Variants in PRDM9 observed in about 807,000 individuals in gnomAD.
PRDM9 encodes PR/SET domain 9.
Under a neutral mutation model 55.6 loss-of-function variants are expected in PRDM9, and 47 were observed. The ratio of observed to expected loss-of-function variants is 0.85; its 90% CI spans 0.67 to 1.08. The LOEUF (loss-of-function observed/expected upper bound fraction) is 1.08. Ranked by LOEUF, PRDM9 falls within the 50% of genes least tolerant of loss-of-function variation. The pLI is 0.00. For synonymous variants in PRDM9, 312 were observed against 375.7 expected (o/e 0.83, Z 1.96); for missense variants, 867 against 1,040.3 (o/e 0.83, Z 2.29).
chr5:23,511,633 A>G (rs955362575), intron 4 of PRDM9, among the ~76,000 whole-genome samples: 1 of 152,184 alleles, frequency 6.6e-6, no homozygotes, highest in Non-Finnish European at 1.5e-5. Context: ...GACATGAGCC[A>G]CCACACCTGG....
chr5:23,516,275 G>T (rs1287617663), intron 4 of PRDM9, among the ~76,000 whole-genome samples: 1 of 152,048 alleles, frequency 6.6e-6, no homozygotes, highest in African/African-American at 2.4e-5. Flanking sequence ...ATGCTATTGT[G>T]GTTGGGATAT....
chr5:23,512,505 A>G (rs1281176224), intron 4 of PRDM9, among the ~76,000 whole-genome samples: 6 of 152,186 alleles, frequency 3.9e-5, no homozygotes, highest in Admixed American at 2.6e-4. Context: ...TTTTCTGCCA[A>G]TGTTTTGACA....
In PRDM9 at chr5:23,509,869, T is replaced by G. The variant is rs770415743; in HGVS notation, c.194-51T>G. The G allele has an allele frequency of 1.9e-6, 3 of 1,599,708 alleles. No individual in the cohort carries two copies. In the South Asian group the frequency reaches 3.3e-5, roughly 18 times the overall value. On this transcript the variant is annotated intron_variant, in intron 3 of 10. Transcript: ENST00000296682. ...TGCTTTCCATTGCCACTGCCCTTTG[T>G]TCCTTCTCCCAGCTCTTCCATTTTA...
chr5:23,525,764 A>T (rs571137849), intron 10 of PRDM9, among the ~76,000 whole-genome samples: 11 of 152,310 alleles, frequency 7.2e-5, no homozygotes, highest in Non-Finnish European at 1.3e-4. Context: ...CTCTTAGGAA[A>T]TCACTAAGGA....
chr5:23,511,780 G>A (rs1381071195), intron 4 of PRDM9, among the ~76,000 whole-genome samples: 1 of 151,930 alleles, frequency 6.6e-6, no homozygotes, highest in Non-Finnish European at 1.5e-5. Flanking sequence ...AAGAAGGAAG[G>A]GCTGGCAGGT....
At chr5:23,510,092 T>C in intron 4 of PRDM9, 65 bp downstream of exon 4, 6 of 1,481,006 alleles carry the variant, frequency 4.1e-6, no homozygotes, top group Non-Finnish European at 5.5e-6. Flanking sequence ...TTTGCTCTTT[T>C]CACCCAGGCT....
At chr5:23,524,933 C>T (rs1739403509) in intron 10 of PRDM9, among the ~76,000 whole-genome samples, 1 of 152,202 alleles carries the variant, frequency 6.6e-6, no homozygotes, top group Admixed American at 6.5e-5. Flanking sequence ...TGAATTCCTA[C>T]TCAGTGCCAG....
intron 4 of PRDM9, among the ~76,000 whole-genome samples, chr5:23,513,868 G>A (rs1739149223): frequency 1.3e-5 from 2 of 151,976 alleles, no homozygotes; most frequent in Non-Finnish European, 2.9e-5. Flanking sequence ...AACAGAACGA[G>A]ACGCCGTGTC....
At position 23,517,934 on chromosome 5, in the gene PRDM9, A is replaced by C; in HGVS notation, c.351+4A>C. ...GGAACAGCGTAAACACCAGAAGGTA[A>C]GTATTTCCCAAATCCTATTGACAAG... On this transcript the variant is annotated splice_donor_region_variant and intron_variant, in intron 5 of 10. Transcript: ENST00000296682. The C allele has an allele frequency of 6.3e-7, 1 of 1,588,008 alleles. No homozygotes were observed.
intron 4 of PRDM9, among the ~76,000 whole-genome samples, chr5:23,512,434 T>C (rs1338043443): frequency 2.6e-5 from 4 of 152,136 alleles, no homozygotes; most frequent in Non-Finnish European, 5.9e-5. Context: ...TCCCCATCTA[T>C]GGATTTTAGA....
chr5:23,522,420 T>C lies in PRDM9; in HGVS notation c.610+15T>C. 1.2e-6 allele frequency: 2 copies of C among 1,606,890 alleles called. No homozygotes were observed. The highest frequency in any genetic ancestry group is 2.2e-5 in the South Asian group (2 of 90,908). Reference sequence around the variant, plus strand: ...TGATTACCTCTGTAAGTGACACTTTTGGCCACTCACACAGCTTGCTGTTAT... The same window carrying C: ...TGATTACCTCTGTAAGTGACACTTTCGGCCACTCACACAGCTTGCTGTTAT... On this transcript the variant is annotated intron_variant, in intron 7 of 10. Transcript: ENST00000296682.
intron 4 of PRDM9, among the ~76,000 whole-genome samples, chr5:23,514,735 G>A (rs1279248843): frequency 6.6e-5 from 10 of 151,996 alleles, no homozygotes; most frequent in East Asian, 5.9e-4. Flanking sequence ...GAGCCACTGC[G>A]CCAGGCCAAA....
chr5:23,526,121 C>A lies in PRDM9; in HGVS notation c.1145-112C>A, dbSNP rs1739423209. 1.1e-5 allele frequency: 14 copies of A among 1,296,470 alleles called. No homozygotes were observed. In the South Asian group the frequency reaches 1.2e-4, roughly 11 times the overall value. The allele number at this position is 1,296,470 out of a possible 1,614,324, so 80.3% of individuals were successfully genotyped here. ...CCATCCAGCACTTGGTGGGAAAGAG[C>A]TTGCATTGTTAACATATGAAGAATG... On this transcript the variant is annotated intron_variant, in intron 10 of 10. Coordinates refer to ENST00000296682, the MANE Select transcript of PRDM9 (RefSeq NM_020227.4).
intron 4 of PRDM9, among the ~76,000 whole-genome samples, chr5:23,512,044 T>C (rs1159661832): frequency 6.6e-6 from 1 of 152,066 alleles, no homozygotes; most frequent in Non-Finnish European, 1.5e-5. Context: ...GCAAACTTAA[T>C]TAAACTGTAA....
At chr5:23,508,892 C>G in intron 1 of PRDM9, 58 bp from the exon 2 acceptor site, 1 of 950,000 alleles carries the variant, frequency 1.1e-6, no homozygotes, top group Non-Finnish European at 1.6e-6. Flanking sequence ...AAGACAGAGC[C>G]TGGTTCTGGG....
chr5:23,508,668 C>T (rs1424282206), intron 1 of PRDM9, among the ~76,000 whole-genome samples: 8 of 152,158 alleles, frequency 5.3e-5, no homozygotes, highest in Admixed American at 2.0e-4. Flanking sequence ...CCTCAAACAC[C>T]GGTAGCTACA....
chr5:23,511,634 C>A (rs1378678938), intron 4 of PRDM9, among the ~76,000 whole-genome samples: 1 of 152,146 alleles, frequency 6.6e-6, no homozygotes, highest in Non-Finnish European at 1.5e-5. Context: ...ACATGAGCCA[C>A]CACACCTGGC....
At chr5:23,514,882 T>C (rs1476937899) in intron 4 of PRDM9, among the ~76,000 whole-genome samples, 1 of 152,214 alleles carries the variant, frequency 6.6e-6, no homozygotes, top group Non-Finnish European at 1.5e-5. Flanking sequence ...GGAAACAAAA[T>C]TCAGTCCATA....
At chr5:23,517,701 C>G (rs1262233335) in intron 4 of PRDM9, among the ~76,000 whole-genome samples, 180 bp from the exon 5 acceptor site, 1 of 152,060 alleles carries the variant, frequency 6.6e-6, no homozygotes, top group Non-Finnish European at 1.5e-5. Flanking sequence ...GCAGGAGAAT[C>G]GCTTGAATCC....
Sources: gnomAD v4.1 joint callset for allele counts (sites outside exome capture counted in the v4.1 genomes callset) on GRCh38, gnomAD v4.1.1 for gene constraint, MANE v1.5 for transcripts, NCBI Gene and HGNC (gene_info 2026-07-23, HGNC 2026-07-21) for gene names.